The following EXOC4 variants were observed in gnomAD, a reference collection of about 807,000 sequenced individuals.
EXOC4 encodes exocyst complex component 4.
Under a neutral mutation model 107.2 loss-of-function variants are expected in EXOC4, and 71 were observed. That is an observed-to-expected ratio of 0.66 (90% CI 0.55 to 0.81). EXOC4 has a LOEUF of 0.81. Ranked by LOEUF, EXOC4 falls within the 30% of genes least tolerant of loss-of-function variation. The pLI is 0.00. For missense variants in EXOC4, 1,108 were observed against 1,189.6 expected, an observed-to-expected ratio of 0.93 and a Z score of 1.01; for synonymous variants, 456 against 441.2, an observed-to-expected ratio of 1.03 and a Z score of -0.42.
At chr7:133,878,162 C>G (rs974757999) in intron 11 of EXOC4, among the ~76,000 whole-genome samples, 2 of 152,200 alleles carry the variant, frequency 1.3e-5, no homozygotes, top group Non-Finnish European at 2.9e-5. Flanking sequence ...ATCACTATCA[C>G]AATTAGAAAA....
intron 11 of EXOC4, among the ~76,000 whole-genome samples, chr7:133,863,972 T>A (rs553594853): frequency 6.6e-6 from 1 of 152,178 alleles, no homozygotes; most frequent in African/African-American, 2.4e-5. Flanking sequence ...AATAGGTATA[T>A]CTTCTGATGT....
chr7:133,599,336 G>A (rs777648636), intron 9 of EXOC4, among the ~76,000 whole-genome samples: 46 of 152,278 alleles, frequency 3.0e-4, no homozygotes, highest in Non-Finnish European at 6.3e-4. Context: ...TTTCCAAGAT[G>A]AATACAGCTG....
At chr7:134,016,292 C>T (rs1794907551) in intron 17 of EXOC4, among the ~76,000 whole-genome samples, 1 of 152,128 alleles carries the variant, frequency 6.6e-6, no homozygotes, top group African/African-American at 2.4e-5. Context: ...CTATTTAAAA[C>T]CATTAACGGA....
chr7:134,089,997 G>T, the EXOC4 span, among the ~76,000 whole-genome samples: 1 of 152,130 alleles, frequency 6.6e-6, no homozygotes, highest in South Asian at 2.1e-4. Flanking sequence ...TTACATTTTG[G>T]AAGATATTTT....
chr7:133,817,354 G>A lies in EXOC4; in HGVS notation c.1544G>A (p.Gly515Asp). The A allele has an allele frequency of 1.2e-6, 2 of 1,613,942 alleles. No homozygotes were observed. The highest frequency in any genetic ancestry group is 1.7e-6 in the Non-Finnish European group (2 of 1,179,918). The change falls in exon 11 of 18, where the codon GGT (glycine) becomes GAT (aspartate). Residue 515 changes from glycine to aspartate, a missense_variant. Transcript: ENST00000253861. ...RFIQEIEHALGLGPAKQCPLR... is the reference protein window; with the variant it reads ...RFIQEIEHALDLGPAKQCPLR... ...ATTCAGGAGATTGAGCATGCTCTGG[G>A]TCTTGGCCCAGCCAAACAGTGTCCT...
chr7:134,082,844 C>T, the EXOC4 span, among the ~76,000 whole-genome samples: 1 of 152,178 alleles, frequency 6.6e-6, no homozygotes, highest in African/African-American at 2.4e-5. Flanking sequence ...GAATGCAGCC[C>T]AGTAGGTCTC....
At chr7:133,801,257 T>C (rs1257003759) in intron 10 of EXOC4, among the ~76,000 whole-genome samples, 1 of 152,156 alleles carries the variant, frequency 6.6e-6, no homozygotes, top group African/African-American at 2.4e-5. Context: ...AGCATGCTAT[T>C]GAGGATTTTC....
chr7:134,069,235 C>T (rs1796234033), downstream of EXOC4, among the ~76,000 whole-genome samples: 1 of 144,800 alleles, frequency 6.9e-6, no homozygotes, highest in African/African-American at 2.8e-5. Flanking sequence ...TCTTCTTCTC[C>T]TTATTCTCCT....
intron 9 of EXOC4, among the ~76,000 whole-genome samples, chr7:133,488,403 A>G (rs1168926997): frequency 6.6e-6 from 1 of 152,140 alleles, no homozygotes; most frequent in African/African-American, 2.4e-5. Context: ...GGGGGTGAGG[A>G]TTCAACCTCA....
At chr7:133,313,941 A>C (rs1794933131) in intron 4 of EXOC4, among the ~76,000 whole-genome samples, 1 of 152,184 alleles carries the variant, frequency 6.6e-6, no homozygotes. Flanking sequence ...CTGTCTTTTG[A>C]TCTCAGCTAT....
chr7:133,909,122 A>AT (rs1162761652), intron 12 of EXOC4, among the ~76,000 whole-genome samples: 2 of 151,956 alleles, frequency 1.3e-5, no homozygotes, highest in African/African-American at 4.8e-5. Context: ...GTCGTTTGTT[A>AT]TTTTCCTGGC....
chr7:133,521,627 T>A (rs1799981357), intron 9 of EXOC4, among the ~76,000 whole-genome samples: 1 of 152,108 alleles, frequency 6.6e-6, no homozygotes, highest in Non-Finnish European at 1.5e-5. Flanking sequence ...TTCGTTTGTT[T>A]GCTTGTTTTT....
At chr7:133,588,276 A>G (rs927298008) in intron 9 of EXOC4, among the ~76,000 whole-genome samples, 3 of 152,198 alleles carry the variant, frequency 2.0e-5, no homozygotes, top group African/African-American at 7.2e-5. Context: ...AAGGAATTAA[A>G]TACCATGGAC....
chr7:133,259,236 T>C (rs1015331755), intron 1 of EXOC4, among the ~76,000 whole-genome samples: 6 of 150,122 alleles, frequency 4.0e-5, no homozygotes, highest in South Asian at 4.2e-4. Flanking sequence ...TAATTTCTTT[T>C]TTTTTTTTTT....
intron 5 of EXOC4, among the ~76,000 whole-genome samples, chr7:133,346,970 G>A (rs755011279): frequency 1.4e-4 from 22 of 151,962 alleles, no homozygotes; most frequent in Admixed American, 3.9e-4. Context: ...TATTTTCTGG[G>A]GTTTGGTGAC....
intron 14 of EXOC4, among the ~76,000 whole-genome samples, chr7:133,965,368 A>G (rs1324763743): frequency 6.6e-6 from 1 of 152,254 alleles, no homozygotes; most frequent in African/African-American, 2.4e-5. Flanking sequence ...TGTTGTTGCC[A>G]TTGCTTTTGG....
At chr7:133,543,244 A>T (rs369514286) in intron 9 of EXOC4, among the ~76,000 whole-genome samples, 31 of 152,214 alleles carry the variant, frequency 2.0e-4, no homozygotes, top group Admixed American at 1.7e-3. Flanking sequence ...TCAATAGCCT[A>T]AGGTTTTCCC....
chr7:134,078,620 G>A, the EXOC4 span, among the ~76,000 whole-genome samples: 3,389 of 152,250 alleles, frequency 0.022, 118 homozygotes, highest in African/African-American at 0.071. Context: ...ACAGCTTAGA[G>A]TTCCTTGTAT....
At chr7:134,091,311 C>T in the EXOC4 span, among the ~76,000 whole-genome samples, 984 of 152,300 alleles carry the variant, frequency 6.5e-3, 3 homozygotes, top group Non-Finnish European at 0.011. Context: ...ATTCATGCCT[C>T]CCCTTTTTAG....
Sources: gnomAD v4.1 joint callset for allele counts (sites outside exome capture counted in the v4.1 genomes callset) on GRCh38, gnomAD v4.1.1 for gene constraint, MANE v1.5 for transcripts, NCBI Gene and HGNC (gene_info 2026-07-23, HGNC 2026-07-21) for gene names.